UNC5D: variants seen among roughly 807,000 people sequenced by gnomAD.
The protein encoded by UNC5D is netrin receptor UNC5D.
UNC5D carries 39 observed loss-of-function variants against 105.4 expected under a neutral mutation model. The observed-to-expected ratio is 0.37, with a 90% CI of 0.29 to 0.48. UNC5D has a LOEUF of 0.48. Among genes scored for constraint, UNC5D ranks in the 20% least tolerant of loss-of-function variants. The pLI is 0.98. For missense variants in UNC5D, 991 were observed against 1,202.4 expected (o/e 0.82, Z 2.60); for synonymous variants, 452 against 450.4 (o/e 1.00, Z -0.04).
chr8:35,576,688 C>T (rs1382620363), intron 3 of UNC5D, among the ~76,000 whole-genome samples: 1 of 152,188 alleles, frequency 6.6e-6, no homozygotes, highest in Non-Finnish European at 1.5e-5. Context: ...TCACGGCTCA[C>T]TGCAAGCTCT....
chr8:35,603,848 A>C (rs1267299556), intron 4 of UNC5D, among the ~76,000 whole-genome samples: 2 of 151,998 alleles, frequency 1.3e-5, no homozygotes, highest in African/African-American at 4.8e-5. Context: ...CTGTTTTATC[A>C]GAGACTAGGA....
intron 1 of UNC5D, among the ~76,000 whole-genome samples, chr8:35,355,435 C>T (rs1423117229): frequency 6.6e-6 from 1 of 152,078 alleles, no homozygotes; most frequent in African/African-American, 2.4e-5. Flanking sequence ...CTTCATTTTC[C>T]CCCTAGCAGC....
intron 4 of UNC5D, among the ~76,000 whole-genome samples, chr8:35,596,789 G>A (rs111239348): frequency 6.6e-6 from 1 of 152,260 alleles, no homozygotes; most frequent in African/African-American, 2.4e-5. Flanking sequence ...CCTCTCCAAA[G>A]GATGCGATCA....
chr8:35,772,941 C>G (rs1802074872), intron 15 of UNC5D, among the ~76,000 whole-genome samples: 1 of 152,094 alleles, frequency 6.6e-6, no homozygotes, highest in East Asian at 1.9e-4. Context: ...ATACATGACC[C>G]CCTCTATAGG....
At chr8:35,392,876 ATTAC>A (rs924939623) in intron 1 of UNC5D, among the ~76,000 whole-genome samples, 12 of 152,244 alleles carry the variant, frequency 7.9e-5, no homozygotes, top group Middle Eastern at 3.4e-3. Flanking sequence ...TTTGGTATTT[ATTAC>A]TTAGCATTTA....
intron 1 of UNC5D, among the ~76,000 whole-genome samples, chr8:35,398,700 G>A (rs1804253311): frequency 1.3e-5 from 2 of 152,026 alleles, no homozygotes; most frequent in Non-Finnish European, 2.9e-5. Context: ...AAAATGTAGT[G>A]GTGGACTGTT....
intron 1 of UNC5D, among the ~76,000 whole-genome samples, chr8:35,417,356 G>T (rs1473643271): frequency 6.6e-6 from 1 of 152,098 alleles, no homozygotes; most frequent in East Asian, 1.9e-4. Flanking sequence ...TTTACCTCAA[G>T]AACTCATAGT....
chr8:35,673,970 T>A (rs1199280695), intron 4 of UNC5D, among the ~76,000 whole-genome samples: 1 of 152,204 alleles, frequency 6.6e-6, no homozygotes, highest in Non-Finnish European at 1.5e-5. Context: ...GGGGGCTAGC[T>A]TGACTTGGCA....
chr8:35,252,307 C>A (rs1347363872), intron 1 of UNC5D, among the ~76,000 whole-genome samples: 1 of 152,024 alleles, frequency 6.6e-6, no homozygotes, highest in East Asian at 1.9e-4. Flanking sequence ...ATGAACTTAC[C>A]ACTATACTTA....
chr8:35,365,218 G>C (rs912684578), intron 1 of UNC5D, among the ~76,000 whole-genome samples: 4 of 152,012 alleles, frequency 2.6e-5, no homozygotes, highest in Non-Finnish European at 5.9e-5. Context: ...CCTAGGTGTA[G>C]CCAATCTCAT....
chr8:35,254,039 A>G lies in UNC5D; in HGVS notation c.103+18152A>G, dbSNP rs539239975. Reference sequence around the variant, plus strand: ...GTAATGTGTCTCGAAACTGTCCCACAATTTTCCTTGTCTTAAGAGTTTAAT... The same window carrying G: ...GTAATGTGTCTCGAAACTGTCCCACGATTTTCCTTGTCTTAAGAGTTTAAT... On this transcript the variant is annotated intron_variant, in intron 1 of 16. Transcript: ENST00000404895. 5.3e-5 allele frequency among the ~76,000 whole-genome samples: 8 copies of G among 152,250 alleles called. No individual in the cohort carries two copies. In the South Asian group the frequency reaches 1.7e-3, roughly 32 times the overall value.
chr8:35,266,867 C>T (rs1804911489), intron 1 of UNC5D, among the ~76,000 whole-genome samples: 1 of 152,142 alleles, frequency 6.6e-6, no homozygotes. Flanking sequence ...TGGGAGGAAG[C>T]ATCCCAAAAT....
At chr8:35,642,763 A>G (rs914071522) in intron 4 of UNC5D, among the ~76,000 whole-genome samples, 1 of 152,148 alleles carries the variant, frequency 6.6e-6, no homozygotes, top group African/African-American at 2.4e-5. Flanking sequence ...GTGGCCCGGT[A>G]CAGATTTAAT....
At chr8:35,337,447 A>C (rs1032865242) in intron 1 of UNC5D, among the ~76,000 whole-genome samples, 1 of 152,202 alleles carries the variant, frequency 6.6e-6, no homozygotes, top group Non-Finnish European at 1.5e-5. Context: ...TTGGATCCCT[A>C]GTAACATTTT....
chr8:35,410,528 A>G (rs1206224999), intron 1 of UNC5D, among the ~76,000 whole-genome samples: 1 of 152,050 alleles, frequency 6.6e-6, no homozygotes, highest in Non-Finnish European at 1.5e-5. Flanking sequence ...GGATCTTATT[A>G]AGAGTCTTGG....
At chr8:35,724,188 T>A in intron 9 of UNC5D, 1 of 1,492,214 alleles carries the variant, frequency 6.7e-7, no homozygotes, top group Non-Finnish European at 8.9e-7. Context: ...GTATTGTAAA[T>A]CTCTAAGACA....
chr8:35,374,459 G>T (rs935334955), intron 1 of UNC5D, among the ~76,000 whole-genome samples: 1 of 152,178 alleles, frequency 6.6e-6, no homozygotes, highest in African/African-American at 2.4e-5. Context: ...ACAGATTAAA[G>T]CATGTGCAAA....
intron 1 of UNC5D, among the ~76,000 whole-genome samples, chr8:35,415,417 T>C (rs763618360): frequency 1.4e-4 from 22 of 152,188 alleles, no homozygotes; most frequent in Non-Finnish European, 2.1e-4. Context: ...TAAATGTATG[T>C]CATATATTAT....
chr8:35,593,398 TG>T (rs908056088), intron 3 of UNC5D, among the ~76,000 whole-genome samples: 13 of 152,168 alleles, frequency 8.5e-5, no homozygotes, highest in African/African-American at 3.1e-4. Context: ...TTAGCAGCAC[TG>T]AACAAAACTT....
Sources: gnomAD v4.1 joint callset for allele counts (sites outside exome capture counted in the v4.1 genomes callset) on GRCh38, gnomAD v4.1.1 for gene constraint, MANE v1.5 for transcripts, NCBI Gene and HGNC (gene_info 2026-07-23, HGNC 2026-07-21) for gene names.